POLR1A: variants seen among roughly 807,000 people sequenced by gnomAD.
POLR1A encodes RNA polymerase I subunit A.
Under a neutral mutation model 205.3 loss-of-function variants are expected in POLR1A, and 84 were observed. That is an observed-to-expected ratio of 0.41 (90% CI 0.34 to 0.49). The LOEUF is 0.49. Ranked by LOEUF, POLR1A falls within the 20% of genes least tolerant of loss-of-function variation. The probability of loss-of-function intolerance (pLI) is 0.22; values close to 1 mark genes in which losing one functional copy is unlikely to be tolerated. For synonymous variants in POLR1A, 799 were observed against 863.7 expected (o/e 0.93, Z 1.31); for missense variants, 1,645 against 2,204.5 (o/e 0.75, Z 5.08).
At chr2:86,060,782 A>G (rs1347859566) in intron 14 of POLR1A, among the ~76,000 whole-genome samples, 2 of 152,214 alleles carry the variant, frequency 1.3e-5, no homozygotes, top group Admixed American at 6.5e-5. Flanking sequence ...CAGGGCAGGC[A>G]AAGAGCTCCT....
At chr2:86,095,264 G>T (rs1480328128) in intron 3 of POLR1A, among the ~76,000 whole-genome samples, 4 of 152,126 alleles carry the variant, frequency 2.6e-5, no homozygotes, top group African/African-American at 9.7e-5. Flanking sequence ...GAGGAGAAGA[G>T]GAAAGGGGAA....
Position 86,031,598 on chromosome 2 carries a change from C to T in POLR1A, c.4310G>A (p.Gly1437Asp), listed in dbSNP as rs72932596. Reference sequence around the variant, plus strand: ...CATGTCTTCATCGTCGTTCTCCTCGCCCTCCCTCTCCTCCTCTTCCTCACT... The same window carrying T: ...CATGTCTTCATCGTCGTTCTCCTCGTCCTCCCTCTCCTCCTCTTCCTCACT... ...YESEEEEEREGEENDDEDMQE... is the reference protein window; with the variant it reads ...YESEEEEEREDEENDDEDMQE... The change falls in exon 30 of 34, where the codon GGC becomes GAC. Residue 1437 changes from glycine (G) to aspartate (D), a missense_variant. Transcript: ENST00000263857. 2,784 of 1,613,002 alleles carry T rather than the reference C, an allele frequency of 1.7e-3. 37 individuals are homozygous for T. In the African/African-American group the frequency reaches 0.032, roughly 19 times the overall value.
rs757825512 is a variant in POLR1A, at chr2:86,088,873, GT to G, written c.541-4del. ...TTGCTCTCACACACGTTCTTTACCT[GT>G]TTTTTTAAAAAAAGTCAGAGAACCT... On this transcript the variant is annotated splice_region_variant and splice_polypyrimidine_tract_variant and intron_variant, in intron 4 of 33. Transcript: ENST00000263857. 10 of 1,605,304 alleles carry G rather than the reference GT, an allele frequency of 6.2e-6. No homozygotes were observed. In the Admixed American group the frequency reaches 1.4e-4, roughly 22 times the overall value.
At chr2:86,040,688 G>C in intron 24 of POLR1A, 129 bp from the exon 25 acceptor site, 1 of 654,372 alleles carries the variant, frequency 1.5e-6, no homozygotes, top group Middle Eastern at 4.5e-4. Context: ...GTTTTTCCTA[G>C]GCAAAAGATC....
chr2:86,033,700 C>T lies in POLR1A; in HGVS notation c.4122G>A (p.Gln1374=). 6.2e-7 allele frequency: 1 copy of T among 1,614,038 alleles called. No homozygotes were observed. The change falls in exon 28 of 34, where the codon CAG becomes CAA. Residue 1374 remains glutamine (Q), a synonymous_variant. Transcript: ENST00000263857. ...FRNVNTRRAT[Q]RDLDNAGELG... ...ACTCCCCAGCGTTGTCCAGATCCCG[C>T]TGTGTAGCTCTTCGAGTGTTTACGT... is the stretch of plus-strand genomic sequence containing the variant.
intron 21 of POLR1A, 88 bp from the exon 22 acceptor site, chr2:86,044,392 G>A: frequency 7.2e-7 from 1 of 1,398,282 alleles, no homozygotes; most frequent in Non-Finnish European, 1.0e-6. Context: ...TGGAGGGGAG[G>A]GAAAGGGGGG....
At position 86,046,715 on chromosome 2, in the gene POLR1A, A is replaced by G. The variant is rs143556727; in HGVS notation, c.2733+450T>C. 4.5e-3 allele frequency among the ~76,000 whole-genome samples: 687 copies of G among 152,140 alleles called. 3 individuals are homozygous for G. Among genetic ancestry groups the G allele is most frequent in the Non-Finnish European group, 6.1e-3 (415 of 67,996 alleles). On this transcript the variant is annotated intron_variant, in intron 19 of 33. Transcript: ENST00000263857. ...AAAAATTAGCCAGGCATGGTGGCGC[A>G]TGCCTGTAATCCCGAGAGGCAGGAG...
chr2:86,078,151 T>C lies in POLR1A; in HGVS notation c.1220A>G (p.Asp407Gly), dbSNP rs750639461. ...TGGGTACTTGTCCATCATTAGTTTG[T>C]CCATCTCGCTATCAAACACAATATT... is the stretch of plus-strand genomic sequence containing the variant. Reference protein sequence around the residue: ...HVNIVFDSEMDKLMMDKYPGI... With the variant: ...HVNIVFDSEMGKLMMDKYPGI... The change falls in exon 10 of 34, where the codon GAC (aspartate) becomes GGC (glycine). Residue 407 changes from aspartate to glycine, a missense_variant. Asp to Gly is a moderately conservative substitution (Grantham distance 94, BLOSUM62 -1). Coordinates refer to ENST00000263857, the MANE Select transcript of POLR1A (RefSeq NM_015425.6). 5 of 1,612,720 alleles carry C rather than the reference T, an allele frequency of 3.1e-6. No homozygotes were observed. The African/African-American group carries it at 6.7e-5, about 22-fold the overall frequency.
rs375917472 is a variant in POLR1A, at chr2:86,044,198, T to C, written c.3076A>G (p.Ile1026Val). 1.2e-6 allele frequency: 2 copies of C among 1,614,164 alleles called. No individual in the cohort carries two copies. The highest frequency in any genetic ancestry group is 2.2e-5 in the East Asian group (1 of 44,876). The part of the protein sequence containing the change: ...QFLYGEDGLD[I>V]PKTQFLQPKQ... ...GGCTGCAGGAACTGTGTCTTGGGGA[T>C]GTCCAGGCCATCCTCCCCATACAGG... is the stretch of plus-strand genomic sequence containing the variant. The change falls in exon 22 of 34, where the codon ATC (isoleucine) becomes GTC (valine). Residue 1026 changes from isoleucine (I) to valine (V), a missense_variant. Physicochemically the swap from Ile to Val is conservative, Grantham distance 29 (BLOSUM62 3). Coordinates refer to ENST00000263857, the MANE Select transcript of POLR1A (RefSeq NM_015425.6).
chr2:86,033,543 G>C, intron 28 of POLR1A, 118 bp downstream of exon 28: 1 of 1,140,776 alleles, frequency 8.8e-7, no homozygotes, highest in Non-Finnish European at 1.2e-6. Context: ...AGCTGAGATA[G>C]GTAGGAGATG....
intron 3 of POLR1A, 73 bp from the exon 4 acceptor site, chr2:86,090,002 C>T (rs775191677): frequency 6.3e-5 from 50 of 789,816 alleles, no homozygotes; most frequent in Non-Finnish European, 1.1e-4. Flanking sequence ...CTGGGACCAA[C>T]CTCTCCAAGG....
In POLR1A at chr2:86,028,757, G is replaced by A. The variant is rs779480564; in HGVS notation, c.4780-46C>T. The stretch of plus-strand genomic sequence containing the variant: ...ATTTATTTAGAGGGCCTGGCCTTCT[G>A]CTCCCTTCTGCCTGCGTATCTCCCC... On this transcript the variant is annotated intron_variant, in intron 31 of 33. Coordinates refer to ENST00000263857, the MANE Select transcript of POLR1A (RefSeq NM_015425.6). The surrounding 1 kb of genome is among the most constrained non-coding windows in gnomAD (Gnocchi z 4.5). 1.4e-6 allele frequency: 2 copies of A among 1,379,772 alleles called. No homozygotes were observed. The highest frequency in any genetic ancestry group is 1.0e-6 in the Non-Finnish European group (1 of 969,066). 85.5% of individuals were successfully genotyped at this position (1,379,772 alleles called of 1,614,324 possible). A position where few individuals can be genotyped will look rare whatever the true frequency, so the allele number is the denominator to read the frequency against.
Position 86,024,316 on chromosome 2 carries a change from G to A in POLR1A, c.*3107C>T, listed in dbSNP as rs6737211. On this transcript the variant is annotated 3_prime_UTR_variant, in exon 34 of 34. Coordinates refer to ENST00000263857, the MANE Select transcript of POLR1A (RefSeq NM_015425.6). ...TGAGGGACCTAGAGAAGTCAAATTC[G>A]TAGAGACAGAACGTAGAACAGTGGT... 1,868 of 173,632 alleles carry A rather than the reference G, an allele frequency of 0.011. 44 individuals carry two copies. Among genetic ancestry groups the A allele is most frequent in the African/African-American group, 0.042 (1,764 of 42,430 alleles). 10.8% of individuals were successfully genotyped at this position (173,632 alleles called of 1,614,324 possible).
chr2:86,041,466 T>A (rs949281898), intron 24 of POLR1A, among the ~76,000 whole-genome samples: 1 of 152,032 alleles, frequency 6.6e-6, no homozygotes, highest in African/African-American at 2.4e-5. Flanking sequence ...CTCAAAGGAT[T>A]ACTGGAGTAA....
chr2:86,039,341 C>A lies in POLR1A; in HGVS notation c.3862G>T (p.Val1288Leu), dbSNP rs758656592. ...VKSLKKQLTRVCLGEVLQKID... is the reference protein window; with the variant it reads ...VKSLKKQLTRLCLGEVLQKID... Reference sequence around the variant, plus strand: ...AGAGACGTTACCTCCCCCAAGCACACCCTGGTGAGTTGCTTCTTCAGGCTT... The same window carrying A: ...AGAGACGTTACCTCCCCCAAGCACAACCTGGTGAGTTGCTTCTTCAGGCTT... Residue 1288 changes from valine (V) to leucine (L), a missense_variant, in exon 26 of 34, where the codon GTG becomes TTG. By Grantham distance (32) the Val-to-Leu change is conservative (BLOSUM62 1). Around this residue, in one of 16 missense-constraint regions of POLR1A, gnomAD observed 394 missense variants for 468.5 expected, o/e 0.84. Coordinates refer to ENST00000263857, the MANE Select transcript of POLR1A (RefSeq NM_015425.6). 2.5e-6 allele frequency: 4 copies of A among 1,614,106 alleles called. No homozygotes were observed. The highest frequency in any genetic ancestry group is 3.4e-6 in the Non-Finnish European group (4 of 1,180,040).
At chr2:86,044,065 C>G in intron 22 of POLR1A, 74 bp downstream of exon 22, 1 of 1,461,526 alleles carries the variant, frequency 6.8e-7, no homozygotes, top group Non-Finnish European at 9.5e-7. Context: ...CAAAGCTCAG[C>G]GCATTCCAGT....
intron 27 of POLR1A, 103 bp from the exon 28 acceptor site, chr2:86,033,890 T>G: frequency 7.1e-7 from 1 of 1,404,656 alleles, no homozygotes; most frequent in Non-Finnish European, 9.7e-7. Context: ...AGGGGATCAG[T>G]GCACGAGATG....
chr2:86,090,486 T>C (rs958288360), intron 3 of POLR1A, among the ~76,000 whole-genome samples: 7 of 151,608 alleles, frequency 4.6e-5, no homozygotes, highest in Non-Finnish European at 7.4e-5. Flanking sequence ...AGAGCCAAGA[T>C]AGGTTAAAAT....
In POLR1A at chr2:86,070,855, T is replaced by C. The variant is rs887945575; in HGVS notation, c.1612-583A>G. On this transcript the variant is annotated intron_variant, in intron 12 of 33. Transcript: ENST00000263857. This position sits in a 1 kb window ranked among gnomAD's most constrained non-coding sequence, Gnocchi z 4.4. ...TTATTGCACTTCAAAAATTAAGAGC[T>C]GTAAATTGTCATAGTCTTTTGGGAA... Among the ~76,000 whole-genome samples the C allele has an allele frequency of 6.6e-6, 1 of 152,180 alleles. No individual in the cohort carries two copies. The highest frequency in any genetic ancestry group is 2.4e-5 in the African/African-American group (1 of 41,442).
Sources: allele counts gnomAD v4.1 joint callset (sites outside exome capture counted in the v4.1 genomes callset), GRCh38; gene constraint gnomAD v4.1.1; regional missense constraint gnomAD v4.1.1; non-coding constraint Gnocchi (gnomAD v3.1); transcripts MANE v1.5; gene names NCBI Gene and HGNC (gene_info 2026-07-23, HGNC 2026-07-21).